Variants in HELZ observed in about 807,000 individuals in gnomAD.
HELZ encodes the protein ATP-dependent RNA helicase with zinc finger domain.
A neutral mutation model predicts 218.2 loss-of-function variants in HELZ; 23 were observed. The ratio of observed to expected loss-of-function variants is 0.11; its 90% CI spans 0.08 to 0.15. The LOEUF is 0.15. Ranked by LOEUF, HELZ falls within the 10% of genes least tolerant of loss-of-function variation. The pLI is 1.00. For synonymous variants in HELZ, 814 were observed against 829.4 expected, an observed-to-expected ratio of 0.98 and a Z score of 0.32; for missense variants, 1,813 against 2,353.7, an observed-to-expected ratio of 0.77 and a Z score of 4.75.
rs562828369 is a variant in HELZ at position 67,226,257 on chromosome 17, CAAAAAAAAA to C, written c.-18-7444_-18-7436del. Among the ~76,000 whole-genome samples the C allele has an allele frequency of 6.8e-4, 44 of 64,824 alleles. No individual in the cohort carries two copies. In the East Asian group the frequency reaches 7.5e-3, roughly 11 times the overall value. The allele number at this position is 64,824 out of a possible 152,430, so 42.5% of individuals were successfully genotyped here. ...CTAGCAACAGGGTGAGACTCCATCT[CAAAAAAAAA>C]AAAAAGAAAAAAGGAAAAAAAAAAA... On this transcript the variant is annotated intron_variant, in intron 3 of 32. Coordinates refer to ENST00000358691, the MANE Select transcript of HELZ (RefSeq NM_014877.4).
At chr17:67,222,897 T>C (rs1393674081) in intron 3 of HELZ, among the ~76,000 whole-genome samples, 2 of 152,030 alleles carry the variant, frequency 1.3e-5, no homozygotes, top group African/African-American at 4.8e-5. Flanking sequence ...GATACATCTG[T>C]ATCTATTGTA....
Position 67,148,694 on chromosome 17 carries a change from G to A in HELZ, c.2496C>T (p.Ser832=), listed in dbSNP as rs770116546. The stretch of plus-strand genomic sequence containing the variant: ...GAAGGTTTCTCTCCCTGGCAAACTC[G>A]CTGTAAACAAAAGGACTGAGCTGTA... ...DHMQLSPFVY[S]EFARERNLHV... The change falls in exon 20 of 33, where the codon AGC becomes AGT. Residue 832 remains serine (S), a synonymous_variant. Coordinates refer to ENST00000358691, the MANE Select transcript of HELZ (RefSeq NM_014877.4). The A allele has an allele frequency of 1.1e-5, 18 of 1,612,654 alleles. No homozygotes were observed. Among genetic ancestry groups the A allele is most frequent in the South Asian group, 3.3e-5 (3 of 90,850 alleles).
chr17:67,126,121 A>G (rs115110743), intron 24 of HELZ, among the ~76,000 whole-genome samples: 445 of 152,326 alleles, frequency 2.9e-3, no homozygotes, highest in African/African-American at 0.01. Context: ...CAATATCTTG[A>G]TGCTGGCCTT....
intron 23 of HELZ, among the ~76,000 whole-genome samples, chr17:67,129,655 G>T (rs1052845017): frequency 3.9e-5 from 6 of 152,142 alleles, no homozygotes; most frequent in African/African-American, 1.4e-4. Context: ...AATATGGGAA[G>T]TTGGAATGCT....
intron 12 of HELZ, among the ~76,000 whole-genome samples, chr17:67,179,962 C>T (rs1338546330): frequency 2.0e-5 from 3 of 152,126 alleles, no homozygotes; most frequent in African/African-American, 7.2e-5. Flanking sequence ...GATTTGGCAA[C>T]ATTTAAATGT....
At chr17:67,196,427 A>C (rs1373291970) in intron 7 of HELZ, among the ~76,000 whole-genome samples, 1 of 152,232 alleles carries the variant, frequency 6.6e-6, no homozygotes, top group Non-Finnish European at 1.5e-5. Context: ...GATCGTTATC[A>C]GCGATATACA....
intron 13 of HELZ, among the ~76,000 whole-genome samples, chr17:67,177,743 T>C (rs1221823084): frequency 2.6e-5 from 4 of 152,056 alleles, no homozygotes; most frequent in Admixed American, 1.3e-4. Context: ...AAATTTTACA[T>C]GTATTTAATT....
In HELZ at chr17:67,109,642, A is replaced by T. The variant is rs912110058; in HGVS notation, c.3963T>A (p.Arg1321=). Reference sequence around the variant, plus strand: ...TGGTACTGGGATAAACAACACTAGGACGTGATTCAGGACTTCTGTTCTGTG... The same window carrying T: ...TGGTACTGGGATAAACAACACTAGGTCGTGATTCAGGACTTCTGTTCTGTG... ...SNPQNRSPES[R]PSVVYPSTKF... The change falls in exon 29 of 33, where the codon CGT becomes CGA. Residue 1321 remains arginine (R), a synonymous_variant. Transcript: ENST00000358691. 6 of 1,614,100 alleles carry T rather than the reference A, an allele frequency of 3.7e-6. 1 individual carries two copies. The Middle Eastern group carries it at 4.9e-4, about 133-fold the overall frequency.
intron 32 of HELZ, among the ~76,000 whole-genome samples, chr17:67,081,224 CAGAT>C (rs1375079857): frequency 1.3e-5 from 2 of 152,154 alleles, no homozygotes; most frequent in Non-Finnish European, 2.9e-5. Flanking sequence ...CAAAGCTACT[CAGAT>C]AGTGTGAACT....
At chr17:67,146,275 T>C (rs1050788544) in intron 20 of HELZ, among the ~76,000 whole-genome samples, 1 of 152,240 alleles carries the variant, frequency 6.6e-6, no homozygotes, top group African/African-American at 2.4e-5. Flanking sequence ...ACAGTACATA[T>C]GATGATGGTC....
intron 22 of HELZ, among the ~76,000 whole-genome samples, chr17:67,136,845 A>T: frequency 6.6e-6 from 1 of 152,198 alleles, no homozygotes; most frequent in East Asian, 1.9e-4. Context: ...AGATCAAAAA[A>T]GTTCTGGAGA....
At position 67,108,485 on chromosome 17, in the gene HELZ, G is replaced by A. The variant is rs1431466956; in HGVS notation, c.4724+7C>T. On this transcript the variant is annotated splice_region_variant and intron_variant, in intron 30 of 32. Transcript: ENST00000358691. The surrounding 1 kb of genome is among the most constrained non-coding windows in gnomAD (Gnocchi z 4.1). ...TTCCAGGGGCTATTTTCAGTCCGCT[G>A]GAATACCTTGAGTATGTGGTCTCCA... 3 of 1,608,510 alleles carry A rather than the reference G, an allele frequency of 1.9e-6. No individual in the cohort carries two copies. The highest frequency in any genetic ancestry group is 2.2e-5 in the East Asian group (1 of 44,858).
At chr17:67,196,104 G>C (rs1030186050) in intron 7 of HELZ, among the ~76,000 whole-genome samples, 1 of 151,894 alleles carries the variant, frequency 6.6e-6, no homozygotes, top group African/African-American at 2.4e-5. Context: ...CGCCCGCCTC[G>C]GCCTCCTAAA....
chr17:67,165,329 G>A (rs2039110623), intron 15 of HELZ, among the ~76,000 whole-genome samples: 1 of 152,208 alleles, frequency 6.6e-6, no homozygotes, highest in Non-Finnish European at 1.5e-5. Flanking sequence ...GAAATGGAAT[G>A]TGAGGGGAAG....
intron 12 of HELZ, among the ~76,000 whole-genome samples, chr17:67,180,901 A>T (rs1165010068): frequency 5.4e-5 from 8 of 147,372 alleles, no homozygotes; most frequent in Admixed American, 2.0e-4. Context: ...AAAAAAAAAA[A>T]TTTTAGCCAG....
At chr17:67,136,580 A>T (rs1366649829) in intron 22 of HELZ, among the ~76,000 whole-genome samples, 1 of 152,232 alleles carries the variant, frequency 6.6e-6, no homozygotes, top group Non-Finnish European at 1.5e-5. Flanking sequence ...GATCAACAGA[A>T]TGTGGCATAT....
At chr17:67,145,310 C>T (rs548085642) in intron 21 of HELZ, among the ~76,000 whole-genome samples, 20 of 152,306 alleles carry the variant, frequency 1.3e-4, no homozygotes, top group Admixed American at 5.2e-4. Context: ...TAAGTTGGAG[C>T]ACATCATGGA....
Position 67,218,528 on chromosome 17 carries a change from G to A in HELZ, c.210+67C>T, listed in dbSNP as rs142118161. The A allele has an allele frequency of 7.9e-4, 924 of 1,175,212 alleles. 10 individuals are homozygous for A. In the South Asian group the frequency reaches 8.7e-3, roughly 11 times the overall value. The allele number at this position is 1,175,212 out of a possible 1,614,324, so 72.8% of individuals were successfully genotyped here. On this transcript the variant is annotated intron_variant, in intron 4 of 32. Transcript: ENST00000358691. ...TGGCCCAGAATTAGCTATTTGTATC[G>A]TCACCCCTCAATGAAAAAGGCCATT...
intron 15 of HELZ, among the ~76,000 whole-genome samples, chr17:67,166,157 T>C (rs1275765659): frequency 6.6e-6 from 1 of 152,132 alleles, no homozygotes; most frequent in Non-Finnish European, 1.5e-5. Context: ...TAAAAATTAT[T>C]TTAAATTAAC....
Sources: gnomAD v4.1 joint callset for allele counts (sites outside exome capture counted in the v4.1 genomes callset) on GRCh38, gnomAD v4.1.1 for gene constraint, Gnocchi (gnomAD v3.1) non-coding constraint, MANE v1.5 for transcripts, NCBI Gene and HGNC (gene_info 2026-07-23, HGNC 2026-07-21) for gene names.